Variants in SPATA45 observed in about 807,000 individuals in gnomAD.
SPATA45 encodes the protein spermatogenesis-associated protein 45.
SPATA45 carries 5 observed loss-of-function variants against 7.0 expected under a neutral mutation model. The ratio of observed to expected loss-of-function variants is 0.71; its 90% confidence interval spans 0.37 to 1.50. The LOEUF (loss-of-function observed/expected upper bound fraction) is 1.50. Ranked by LOEUF, SPATA45 falls within the 40% of genes most tolerant of loss-of-function variation. SPATA45 has a pLI of 0.03. For missense variants in SPATA45, 111 were observed against 114.9 expected (o/e 0.97, Z 0.16); for synonymous variants, 40 against 38.7 (o/e 1.03, Z -0.13).
intron 1 of SPATA45, among the ~76,000 whole-genome samples, chr1:212,845,831 A>C (rs968162137): frequency 1.3e-5 from 2 of 152,150 alleles, no homozygotes; most frequent in Admixed American, 6.6e-5. Context: ...TCTTTCCTCC[A>C]AAATCACCCA....
At position 212,830,995 on chromosome 1, in the gene SPATA45, T is replaced by G. The variant is rs902648425; in HGVS notation, c.278-734A>C. Among the ~76,000 whole-genome samples the G allele has an allele frequency of 4.6e-5, 7 of 150,608 alleles. 1 individual carries two copies. The Admixed American group carries it at 4.7e-4, about 10-fold the overall frequency. On this transcript the variant is annotated intron_variant, in intron 2 of 2. Transcript: ENST00000332912. ...AGAAAAAATCTCAAAAAAAATTAGC[T>G]GGGTGTGGTGGTGCACACCTGTAAT...
At position 212,840,862 on chromosome 1, in the gene SPATA45, C is replaced by T. The variant is rs186884465; in HGVS notation, c.-38-4675G>A. On this transcript the variant is annotated intron_variant, in intron 1 of 2. Coordinates refer to ENST00000332912, the MANE Select transcript of SPATA45 (RefSeq NM_001024601.3). Reference sequence around the variant, plus strand: ...CTCGATCTCCTGACCTCTTGATCTGCCCGCCTTGGCCTCCCAAAGTGCTGG... The same window carrying T: ...CTCGATCTCCTGACCTCTTGATCTGTCCGCCTTGGCCTCCCAAAGTGCTGG... Among the ~76,000 whole-genome samples, 8 of 152,240 alleles carry T rather than the reference C, an allele frequency of 5.3e-5. No individual in the cohort carries two copies. In the East Asian group the frequency reaches 1.4e-3, roughly 26 times the overall value.
At chr1:212,847,432 C>A (rs1663819874) in intron 1 of SPATA45, 148 bp downstream of exon 1, 1 of 152,018 alleles carries the variant, frequency 6.6e-6, no homozygotes, top group Admixed American at 6.6e-5. Flanking sequence ...AAGTTAGGGG[C>A]CGGCCGTATT....
chr1:212,831,777 C>T (rs960666880), intron 2 of SPATA45, among the ~76,000 whole-genome samples: 1 of 151,142 alleles, frequency 6.6e-6, no homozygotes, highest in South Asian at 2.1e-4. Context: ...CAGGTTAGAC[C>T]ACCGCTAGGT....
At chr1:212,840,522 C>A (rs768641469) in intron 1 of SPATA45, among the ~76,000 whole-genome samples, 1 of 152,072 alleles carries the variant, frequency 6.6e-6, no homozygotes, top group Non-Finnish European at 1.5e-5. Flanking sequence ...CAGGTTCAAG[C>A]GATTCTCGTG....
chr1:212,842,129 T>G (rs7511773), intron 1 of SPATA45, among the ~76,000 whole-genome samples: 151,932 of 151,950 alleles, frequency 1, 75,957 homozygotes, highest in Middle Eastern at 1. Flanking sequence ...TGTAATCCCA[T>G]CACTTTGGGA....
intron 1 of SPATA45, among the ~76,000 whole-genome samples, chr1:212,846,147 C>G (rs1258846702): frequency 6.6e-6 from 1 of 152,160 alleles, no homozygotes; most frequent in African/African-American, 2.4e-5. Context: ...CATCACCAAT[C>G]ATTCTATACG....
chr1:212,835,564 G>C (rs1265532162), intron 2 of SPATA45, among the ~76,000 whole-genome samples: 2 of 149,458 alleles, frequency 1.3e-5, no homozygotes, highest in African/African-American at 4.9e-5. Flanking sequence ...TGGGTGTGGT[G>C]GCTCATGCCT....
chr1:212,832,050 C>T (rs1209425472), intron 2 of SPATA45, among the ~76,000 whole-genome samples: 2 of 93,224 alleles, frequency 2.1e-5, no homozygotes, highest in Non-Finnish European at 2.3e-5. Context: ...CGGAGTTTCG[C>T]TCTTGTTGCC....
intron 1 of SPATA45, among the ~76,000 whole-genome samples, chr1:212,846,920 C>T (rs1394105275): frequency 1.3e-5 from 2 of 152,098 alleles, no homozygotes; most frequent in Non-Finnish European, 2.9e-5. Flanking sequence ...CAAGGTCTCA[C>T]TTTGTCACCC....
intron 2 of SPATA45, 32 bp downstream of exon 2, chr1:212,835,841 A>AC: frequency 6.4e-7 from 1 of 1,551,882 alleles, no homozygotes; most frequent in Non-Finnish European, 8.7e-7. Flanking sequence ...CATCTCAAAA[A>AC]AAAAAAAAAA....
chr1:212,841,237 C>T (rs1663678607), intron 1 of SPATA45, among the ~76,000 whole-genome samples: 1 of 152,070 alleles, frequency 6.6e-6, no homozygotes, highest in Non-Finnish European at 1.5e-5. Flanking sequence ...TGGCTCACTG[C>T]AACCTCTGCC....
intron 1 of SPATA45, among the ~76,000 whole-genome samples, chr1:212,847,166 C>T (rs565149912): frequency 6.6e-6 from 1 of 152,196 alleles, no homozygotes; most frequent in Non-Finnish European, 1.5e-5. Flanking sequence ...GCTGGGATTA[C>T]AGGCGTGAGC....
intron 1 of SPATA45, among the ~76,000 whole-genome samples, chr1:212,840,811 G>C (rs752015106): frequency 1.3e-5 from 2 of 151,754 alleles, no homozygotes; most frequent in Non-Finnish European, 2.9e-5. Flanking sequence ...GTAGAGACGG[G>C]GTTTCACCAT....
At chr1:212,841,563 A>G (rs554659286) in intron 1 of SPATA45, among the ~76,000 whole-genome samples, 4 of 151,230 alleles carry the variant, frequency 2.6e-5, no homozygotes, top group Admixed American at 6.6e-5. Flanking sequence ...ACAAACACAC[A>G]TTGTTTTAGG....
chr1:212,832,080 G>A (rs1358535330), intron 2 of SPATA45, among the ~76,000 whole-genome samples: 4 of 135,768 alleles, frequency 2.9e-5, no homozygotes, highest in Admixed American at 8.0e-5. Context: ...GTGCAGTGGC[G>A]CGATCTCTGC....
At chr1:212,832,950 A>G (rs1423845673) in intron 2 of SPATA45, among the ~76,000 whole-genome samples, 1 of 151,602 alleles carries the variant, frequency 6.6e-6, no homozygotes, top group African/African-American at 2.4e-5. Flanking sequence ...GACTGAAGAT[A>G]AAGTGGTGAA....
At chr1:212,846,136 T>C (rs112407087) in intron 1 of SPATA45, among the ~76,000 whole-genome samples, 3,497 of 152,188 alleles carry the variant, frequency 0.023, 63 homozygotes, top group South Asian at 0.041. Flanking sequence ...CACATCCAGG[T>C]CATCACCAAT....
intron 1 of SPATA45, among the ~76,000 whole-genome samples, chr1:212,845,250 C>T (rs1327498568): frequency 1.3e-5 from 2 of 152,148 alleles, no homozygotes; most frequent in Admixed American, 6.6e-5. Context: ...TCTACTACCC[C>T]TCAGGGATTG....
Sources: allele counts gnomAD v4.1 joint callset (sites outside exome capture counted in the v4.1 genomes callset), GRCh38; gene constraint gnomAD v4.1.1; transcripts MANE v1.5; gene names NCBI Gene and HGNC (gene_info 2026-07-23, HGNC 2026-07-21).